The following PRR16 variants were observed in gnomAD, a reference collection of about 807,000 sequenced individuals.
PRR16 encodes the protein protein Largen.
PRR16 carries 6 observed loss-of-function variants against 18.2 expected under a neutral mutation model. The ratio of observed to expected loss-of-function variants is 0.33; its 90% CI spans 0.18 to 0.65. The LOEUF (loss-of-function observed/expected upper bound fraction) is 0.65. PRR16 is among the 30% of genes least tolerant of loss of function. The pLI is 0.74. For missense variants in PRR16, 412 were observed against 376.6 expected (o/e 1.09, Z -0.78); for synonymous variants, 151 against 147.8 (o/e 1.02, Z -0.16).
chr5:120,748,018 A>G, the PRR16 span, among the ~76,000 whole-genome samples: 1 of 152,086 alleles, frequency 6.6e-6, no homozygotes, highest in Non-Finnish European at 1.5e-5. Flanking sequence ...ATTTCTCTAT[A>G]TATTATCCAA....
chr5:120,703,986 A>C, the PRR16 span, among the ~76,000 whole-genome samples: 1 of 152,178 alleles, frequency 6.6e-6, no homozygotes, highest in Non-Finnish European at 1.5e-5. Flanking sequence ...ATAAAGATTT[A>C]GATACTGATG....
intron 1 of PRR16, among the ~76,000 whole-genome samples, chr5:120,543,480 A>G (rs928505719): frequency 6.6e-6 from 1 of 152,194 alleles, no homozygotes; most frequent in Non-Finnish European, 1.5e-5. Context: ...GTGTAACTGG[A>G]TTGTTCATAC....
At chr5:120,506,451 A>G (rs1018682973) in intron 1 of PRR16, among the ~76,000 whole-genome samples, 1 of 152,174 alleles carries the variant, frequency 6.6e-6, no homozygotes, top group Non-Finnish European at 1.5e-5. Context: ...ACTGATTTGT[A>G]TCAGTTAGTA....
At chr5:120,477,304 A>G (rs892421861) in intron 1 of PRR16, among the ~76,000 whole-genome samples, 3 of 151,232 alleles carry the variant, frequency 2.0e-5, no homozygotes, top group Non-Finnish European at 2.9e-5. Context: ...CATATAGCAA[A>G]CTGAACCCGG....
At chr5:120,567,862 C>T (rs1752785372) in intron 1 of PRR16, among the ~76,000 whole-genome samples, 1 of 152,088 alleles carries the variant, frequency 6.6e-6, no homozygotes, top group Non-Finnish European at 1.5e-5. Context: ...TCTGTTAGTT[C>T]TTTATAGCAG....
intron 1 of PRR16, among the ~76,000 whole-genome samples, chr5:120,648,847 C>G (rs1384422405): frequency 6.6e-6 from 1 of 152,056 alleles, no homozygotes. Flanking sequence ...AAGCTACAAA[C>G]TTGATGTCAC....
chr5:120,709,841 C>G, the PRR16 span, among the ~76,000 whole-genome samples: 1 of 152,128 alleles, frequency 6.6e-6, no homozygotes, highest in Admixed American at 6.5e-5. Flanking sequence ...CAATAATATT[C>G]CATTGTATTT....
intron 1 of PRR16, among the ~76,000 whole-genome samples, chr5:120,641,002 G>T (rs763956351): frequency 5.3e-5 from 8 of 152,068 alleles, no homozygotes; most frequent in Non-Finnish European, 1.0e-4. Flanking sequence ...AAGAAGAGGC[G>T]ATTGTAAGGC....
intron 1 of PRR16, among the ~76,000 whole-genome samples, chr5:120,574,347 G>C (rs984148153): frequency 1.3e-5 from 2 of 152,096 alleles, no homozygotes; most frequent in African/African-American, 4.8e-5. Context: ...GCTCATACCT[G>C]TAACTCAGCA....
At chr5:120,469,519 G>A (rs1749204150) in intron 1 of PRR16, among the ~76,000 whole-genome samples, 3 of 151,574 alleles carry the variant, frequency 2.0e-5, no homozygotes, top group Middle Eastern at 6.8e-3. Flanking sequence ...TGATAGAGAT[G>A]GTGTCTTGCC....
chr5:120,638,370 C>A (rs1755311187), intron 1 of PRR16, among the ~76,000 whole-genome samples: 1 of 152,054 alleles, frequency 6.6e-6, no homozygotes, highest in Non-Finnish European at 1.5e-5. Flanking sequence ...AGAAGTATAT[C>A]TAAAAGCTGC....
the PRR16 span, among the ~76,000 whole-genome samples, chr5:120,712,416 G>T: frequency 6.6e-6 from 1 of 151,938 alleles, no homozygotes; most frequent in East Asian, 1.9e-4. Context: ...CTGTTTCTAT[G>T]TATTTGACTT....
chr5:120,642,735 C>T (rs1561589429), intron 1 of PRR16, among the ~76,000 whole-genome samples: 1 of 152,076 alleles, frequency 6.6e-6, no homozygotes, highest in Non-Finnish European at 1.5e-5. Flanking sequence ...GGCTACTCAC[C>T]TTCTGAAGCT....
chr5:120,631,906 C>A (rs1273899626), intron 1 of PRR16, among the ~76,000 whole-genome samples: 3 of 152,190 alleles, frequency 2.0e-5, no homozygotes, highest in Non-Finnish European at 1.5e-5. Context: ...AAAGCATCAC[C>A]TCCTGGCTGG....
chr5:120,721,342 G>T, the PRR16 span, among the ~76,000 whole-genome samples: 1 of 151,764 alleles, frequency 6.6e-6, no homozygotes, highest in African/African-American at 2.4e-5. Flanking sequence ...AAATTCCATA[G>T]AAAAATATGT....
chr5:120,624,845 T>TG (rs1029362280), intron 1 of PRR16, among the ~76,000 whole-genome samples: 2 of 152,008 alleles, frequency 1.3e-5, no homozygotes, highest in South Asian at 2.1e-4. Context: ...GATTGAATCA[T>TG]GGGGGGTGGA....
chr5:120,545,847 G>A (rs982537446), intron 1 of PRR16, among the ~76,000 whole-genome samples: 20 of 152,034 alleles, frequency 1.3e-4, no homozygotes, highest in African/African-American at 3.9e-4. Flanking sequence ...GAAGGAATAT[G>A]TCATTCCTCA....
chr5:120,506,587 T>C (rs796479067), intron 1 of PRR16, among the ~76,000 whole-genome samples: 1 of 152,130 alleles, frequency 6.6e-6, no homozygotes, highest in East Asian at 1.9e-4. Flanking sequence ...TGATACCGTA[T>C]CATAGTTTTG....
the PRR16 span, among the ~76,000 whole-genome samples, chr5:120,758,711 G>A: frequency 6.6e-6 from 1 of 152,150 alleles, no homozygotes; most frequent in Non-Finnish European, 1.5e-5. Context: ...TCCTGTTGGT[G>A]TAACTGTCCT....
Sources: gnomAD v4.1 joint callset for allele counts (sites outside exome capture counted in the v4.1 genomes callset) on GRCh38, gnomAD v4.1.1 for gene constraint, MANE v1.5 for transcripts, NCBI Gene and HGNC (gene_info 2026-07-23, HGNC 2026-07-21) for gene names.